The following CACNA1C variants were observed in gnomAD, a reference collection of about 807,000 sequenced individuals.
The protein encoded by CACNA1C is voltage-dependent L-type calcium channel subunit alpha-1C.
A neutral mutation model predicts 229.0 loss-of-function variants in CACNA1C; 30 were observed. That is an observed-to-expected ratio of 0.13 (90% confidence interval 0.10 to 0.18). The LOEUF is 0.18. CACNA1C is among the 10% of genes least tolerant of loss of function. The pLI is 1.00. For missense variants in CACNA1C, 1,658 were observed against 2,845.0 expected, an observed-to-expected ratio of 0.58 and a Z score of 9.49; for synonymous variants, 1,114 against 1,132.5, an observed-to-expected ratio of 0.98 and a Z score of 0.33.
At chr12:2,563,726 T>C (rs1364799059) in intron 11 of CACNA1C, among the ~76,000 whole-genome samples, 1 of 152,214 alleles carries the variant, frequency 6.6e-6, no homozygotes, top group Non-Finnish European at 1.5e-5. Context: ...AGAGGCAATT[T>C]TGGGGGTATG....
intron 3 of CACNA1C, among the ~76,000 whole-genome samples, chr12:2,406,380 G>A (rs1313967153): frequency 6.6e-6 from 1 of 152,126 alleles, no homozygotes; most frequent in Non-Finnish European, 1.5e-5. Context: ...CTGGAACTCT[G>A]ATGACATGGA....
At chr12:2,477,790 TG>T (rs1228834490) in intron 5 of CACNA1C, among the ~76,000 whole-genome samples, 1 of 152,174 alleles carries the variant, frequency 6.6e-6, no homozygotes, top group Non-Finnish European at 1.5e-5. Context: ...AGCCTAGTGG[TG>T]CTAATAGATC....
intron 3 of CACNA1C, among the ~76,000 whole-genome samples, chr12:2,397,969 G>A (rs2098612919): frequency 6.6e-6 from 1 of 152,240 alleles, no homozygotes; most frequent in Non-Finnish European, 1.5e-5. Context: ...GGCTGGTCCA[G>A]GAGGCCCCTG....
At chr12:2,185,995 C>G (rs1205391824) in intron 3 of CACNA1C, among the ~76,000 whole-genome samples, 2 of 152,138 alleles carry the variant, frequency 1.3e-5, no homozygotes, top group Non-Finnish European at 2.9e-5. Context: ...GGGCACGGAT[C>G]GTTTCCTGGC....
At chr12:2,422,548 T>C (rs1285149019) in intron 3 of CACNA1C, among the ~76,000 whole-genome samples, 2 of 152,112 alleles carry the variant, frequency 1.3e-5, no homozygotes, top group Non-Finnish European at 2.9e-5. Flanking sequence ...TGAAGTACCA[T>C]AGGATGGCCA....
upstream of CACNA1C, chr12:2,048,352 G>T (rs1435706325): frequency 6.6e-6 from 1 of 152,180 alleles, no homozygotes; most frequent in Non-Finnish European, 1.5e-5. Flanking sequence ...TTTAAGCTGG[G>T]CTTTCTGACT....
At chr12:2,387,320 A>C (rs749256802) in intron 3 of CACNA1C, among the ~76,000 whole-genome samples, 1 of 152,124 alleles carries the variant, frequency 6.6e-6, no homozygotes, top group Non-Finnish European at 1.5e-5. Flanking sequence ...TCTCGGCTCT[A>C]CTGAAAATAC....
At position 2,691,055 on chromosome 12, in the gene CACNA1C, T is replaced by G. The variant is rs1569302244; in HGVS notation, c.6273T>G (p.Asn2091Lys). Residue 2091 changes from asparagine to lysine, a missense_variant, in exon 47 of 47, where the codon AAT becomes AAG. This residue lies in a region of CACNA1C where 590 missense variants were observed against 700.8 expected (regional missense o/e 0.84). Transcript: ENST00000399655. The stretch of plus-strand genomic sequence containing the variant: ...GCGGGGGCGCCCCACAGAGCCCCAA[T>G]GGCGCCCTCTTACCCTTTGTGAACT... ...ILSGGAPQSP[N>K]GALLPFVNCR... 6.2e-7 allele frequency: 1 copy of G among 1,607,288 alleles called. No individual in the cohort carries two copies. Among genetic ancestry groups the G allele is most frequent in the African/African-American group, 1.3e-5 (1 of 74,888 alleles).
At chr12:2,239,801 C>T (rs112728638) in intron 3 of CACNA1C, among the ~76,000 whole-genome samples, 1,948 of 152,270 alleles carry the variant, frequency 0.013, 47 homozygotes, top group African/African-American at 0.045. Context: ...GTTCCCCGGG[C>T]TGCAGCCAGC....
chr12:2,097,410 T>C (rs2074639354), intron 1 of CACNA1C, among the ~76,000 whole-genome samples: 3 of 152,144 alleles, frequency 2.0e-5, no homozygotes, highest in South Asian at 2.1e-4. Flanking sequence ...CCTCCCAAAG[T>C]GCTGGGATTA....
In CACNA1C at chr12:2,567,777, G is replaced by A. The variant is rs769515667; in HGVS notation, c.1878G>A (p.Arg626=). The change falls in exon 13 of 47, where the codon AGG becomes AGA. Residue 626 remains arginine, a synonymous_variant. Transcript: ENST00000399655. The part of the protein sequence containing the change: ...ISVLRCVRLL[R]IFKITRYWNS... ...TGCTCAGATGCGTCCGGCTGCTGAG[G>A]ATTTTCAAGATCACGAGGTACTGGG... is the stretch of plus-strand genomic sequence containing the variant. The A allele has an allele frequency of 6.2e-7, 1 of 1,607,626 alleles. No homozygotes were observed. Among genetic ancestry groups the A allele is most frequent in the Non-Finnish European group, 8.5e-7 (1 of 1,174,500 alleles).
chr12:2,635,663 A>G (rs764879132), intron 30 of CACNA1C, among the ~76,000 whole-genome samples: 1 of 152,110 alleles, frequency 6.6e-6, no homozygotes, highest in Non-Finnish European at 1.5e-5. Context: ...CAGATGGACT[A>G]TGGAAAGCGG....
At position 2,696,521 on chromosome 12, in the gene CACNA1C, C is replaced by T. The variant is rs1253857494; in HGVS notation, c.*5322C>T. 1 of 151,646 alleles carries T rather than the reference C, an allele frequency of 6.6e-6. No homozygotes were observed. The highest frequency in any genetic ancestry group is 1.5e-5 in the Non-Finnish European group (1 of 67,992). 9.4% of individuals were successfully genotyped at this position (151,646 alleles called of 1,614,324 possible). ...AGGGATCCCAGAAAGGGCACTGTGCCACTTCCCCTGGTGTGAATCAGACAT... is the reference window on the plus strand; with the variant it reads ...AGGGATCCCAGAAAGGGCACTGTGCTACTTCCCCTGGTGTGAATCAGACAT... On this transcript the variant is annotated 3_prime_UTR_variant, in exon 47 of 47. Coordinates refer to ENST00000399655, the MANE Select transcript of CACNA1C (RefSeq NM_000719.7).
rs1412184041 is a variant in CACNA1C at position 2,677,941 on chromosome 12, CG to C, written c.5091+78del. The C allele has an allele frequency of 1.9e-6, 3 of 1,552,792 alleles. No individual in the cohort carries two copies. Among genetic ancestry groups the C allele is most frequent in the Admixed American group, 3.4e-5 (2 of 59,224 alleles). On this transcript the variant is annotated intron_variant, in intron 41 of 46. Coordinates refer to ENST00000399655, the MANE Select transcript of CACNA1C (RefSeq NM_000719.7). This position sits in a 1 kb window ranked among gnomAD's most constrained non-coding sequence, Gnocchi z 7.4. Reference sequence around the variant, plus strand: ...AGCAAGAGGTTGGGCTGGGGTTTTGCGGGGAACGTCCAGGGGAAGGAGCTGC... The same window carrying C: ...AGCAAGAGGTTGGGCTGGGGTTTTGCGGGAACGTCCAGGGGAAGGAGCTGC...
At chr12:2,163,287 C>T (rs1216085794) in intron 3 of CACNA1C, among the ~76,000 whole-genome samples, 1 of 151,848 alleles carries the variant, frequency 6.6e-6, no homozygotes, top group Non-Finnish European at 1.5e-5. Context: ...TCATTTGAGC[C>T]TCACAACAGC....
At chr12:2,268,140 C>G (rs539018907) in intron 3 of CACNA1C, among the ~76,000 whole-genome samples, 10 of 152,256 alleles carry the variant, frequency 6.6e-5, no homozygotes, top group African/African-American at 2.4e-4. Flanking sequence ...CAAACCTTGA[C>G]TGGCTCCAAA....
chr12:2,010,115 C>G (rs145992037), intron 1 of CACNA1C, among the ~76,000 whole-genome samples: 83 of 152,070 alleles, frequency 5.5e-4, no homozygotes, highest in Non-Finnish European at 9.7e-4. Context: ...ATCCAATTAC[C>G]CAATTAGTGT....
At chr12:1,980,544 C>T (rs931633849) in intron 1 of CACNA1C, among the ~76,000 whole-genome samples, 4 of 151,412 alleles carry the variant, frequency 2.6e-5, no homozygotes, top group East Asian at 1.9e-4. Flanking sequence ...TTTCATTATC[C>T]CAAAGGTATC....
chr12:2,137,951 C>G (rs1350627505), intron 3 of CACNA1C, among the ~76,000 whole-genome samples: 1 of 151,484 alleles, frequency 6.6e-6, no homozygotes. Flanking sequence ...ACAGGCGCCC[C>G]TGCCGGGAGC....
Sources: gnomAD v4.1 joint callset for allele counts (sites outside exome capture counted in the v4.1 genomes callset) on GRCh38, gnomAD v4.1.1 for gene constraint, gnomAD v4.1.1 regional missense constraint, Gnocchi (gnomAD v3.1) non-coding constraint, MANE v1.5 for transcripts, NCBI Gene and HGNC (gene_info 2026-07-23, HGNC 2026-07-21) for gene names.